PCDHA4: variants seen among roughly 807,000 people sequenced by gnomAD.
The protein encoded by PCDHA4 is protocadherin alpha 4.
Under a neutral mutation model 61.4 loss-of-function variants are expected in PCDHA4, and 49 were observed. The ratio of observed to expected loss-of-function variants is 0.80; its 90% confidence interval spans 0.63 to 1.01. The LOEUF is 1.01. Ranked by LOEUF, PCDHA4 falls within the 50% of genes least tolerant of loss-of-function variation. The pLI, the probability that PCDHA4 is intolerant of heterozygous loss-of-function variation, is 0.00. For synonymous variants in PCDHA4, 590 were observed against 550.3 expected, an observed-to-expected ratio of 1.07 and a Z score of -1.01; for missense variants, 1,254 against 1,235.8, an observed-to-expected ratio of 1.01 and a Z score of -0.22.
chr5:140,940,756 T>A (rs782132428), intron 1 of PCDHA4, among the ~76,000 whole-genome samples: 23 of 152,246 alleles, frequency 1.5e-4, no homozygotes, highest in Non-Finnish European at 2.8e-4. Context: ...GTGTGCCAAC[T>A]TTTATTTGAC....
chr5:140,835,044 G>A lies in PCDHA4; in HGVS notation c.2385+25472G>A, dbSNP rs1554134705. ...CACGGCCACCGATGGAGGCAAACCC[G>A]AGCTGACTGGCACCGTTCAATTACT... On this transcript the variant is annotated intron_variant, in intron 1 of 3. Transcript: ENST00000530339. The A allele has an allele frequency of 1.7e-5, 21 of 1,263,874 alleles. 1 individual carries two copies. The highest frequency in any genetic ancestry group is 1.9e-5 in the Non-Finnish European group (18 of 927,706). 78.3% of individuals were successfully genotyped at this position (1,263,874 alleles called of 1,614,324 possible). A position where few individuals can be genotyped will look rare whatever the true frequency, so the allele number is the denominator to read the frequency against.
intron 1 of PCDHA4, chr5:140,857,704 G>A: frequency 6.3e-7 from 1 of 1,597,424 alleles, no homozygotes; most frequent in Non-Finnish European, 8.6e-7. Flanking sequence ...CGCTGCAGGT[G>A]TTCGTGCTGG....
At chr5:140,978,594 G>C (rs184264823) in intron 1 of PCDHA4, among the ~76,000 whole-genome samples, 31 of 152,288 alleles carry the variant, frequency 2.0e-4, no homozygotes, top group African/African-American at 7.5e-4. Flanking sequence ...CCCTTAATGG[G>C]GCACTTGAGG....
In PCDHA4 at chr5:140,920,607, A is replaced by G. The variant is rs185483487; in HGVS notation, c.2386-58342A>G. Among the ~76,000 whole-genome samples the G allele has an allele frequency of 8.0e-3, 1,215 of 152,266 alleles. 5 individuals are homozygous for G. Among genetic ancestry groups the G allele is most frequent in the African/African-American group, 0.019 (784 of 41,544 alleles). On this transcript the variant is annotated intron_variant, in intron 1 of 3. Coordinates refer to ENST00000530339, the MANE Select transcript of PCDHA4 (RefSeq NM_018907.4). ...ACGCCTGTAATCCCAGCACTTTGGG[A>G]GGCCGAGGCGGATGGATCACAAGGT...
chr5:140,950,100 A>G (rs964595718), intron 1 of PCDHA4, among the ~76,000 whole-genome samples: 1 of 151,910 alleles, frequency 6.6e-6, no homozygotes, highest in Non-Finnish European at 1.5e-5. Flanking sequence ...CATTTGTATT[A>G]AATCTCATAC....
rs2150125115 is a variant in PCDHA4 at position 140,823,375 on chromosome 5, G to A, written c.2385+13803G>A. 6 of 1,612,690 alleles carry A rather than the reference G, an allele frequency of 3.7e-6. No homozygotes were observed. The East Asian group carries it at 8.9e-5, about 24-fold the overall frequency. On this transcript the variant is annotated intron_variant, in intron 1 of 3. Coordinates refer to ENST00000530339, the MANE Select transcript of PCDHA4 (RefSeq NM_018907.4). The stretch of plus-strand genomic sequence containing the variant: ...GGAAGTGGAGCTGCTGCAGTTCCAG[G>A]TGAGCGCGCGCGACGCGGGCGTGCC...
At chr5:140,864,331 T>C (rs2048422342) in intron 1 of PCDHA4, 1 of 152,248 alleles carries the variant, frequency 6.6e-6, no homozygotes, top group Admixed American at 6.5e-5. Flanking sequence ...CATAATTATT[T>C]GAGTTTAAAA....
chr5:140,903,859 T>C (rs2070674942), intron 1 of PCDHA4, among the ~76,000 whole-genome samples: 1 of 152,186 alleles, frequency 6.6e-6, no homozygotes, highest in Non-Finnish European at 1.5e-5. Context: ...ACAAATAATA[T>C]AGAGTAAAAT....
At chr5:140,945,664 C>T (rs1342424562) in intron 1 of PCDHA4, among the ~76,000 whole-genome samples, 1 of 152,048 alleles carries the variant, frequency 6.6e-6, no homozygotes, top group Admixed American at 6.5e-5. Context: ...ATACAGCTCC[C>T]AGAAATAAAT....
intron 1 of PCDHA4, among the ~76,000 whole-genome samples, chr5:140,970,706 A>G (rs1266484266): frequency 6.6e-6 from 1 of 152,224 alleles, no homozygotes; most frequent in Non-Finnish European, 1.5e-5. Context: ...CTACTACACA[A>G]TGTGTGAACA....
intron 1 of PCDHA4, among the ~76,000 whole-genome samples, chr5:140,940,840 A>T (rs1554213622): frequency 2.0e-5 from 3 of 152,222 alleles, no homozygotes; most frequent in Non-Finnish European, 1.5e-5. Context: ...ACCTTTCTTC[A>T]CGATAGATTT....
chr5:140,822,224 G>C (rs2150114696), intron 1 of PCDHA4: 3 of 1,614,208 alleles, frequency 1.9e-6, no homozygotes, highest in East Asian at 4.5e-5. Context: ...CCAGATTCGC[G>C]GTTTCCGCTA....
intron 1 of PCDHA4, chr5:140,928,541 AC>A: frequency 3.7e-6 from 6 of 1,614,192 alleles, no homozygotes; most frequent in Non-Finnish European, 5.1e-6. Context: ...GATAGGAATG[AC>A]AATTATCCGG....
At chr5:140,841,592 G>C (rs2150318717) in intron 1 of PCDHA4, 1 of 1,614,096 alleles carries the variant, frequency 6.2e-7, no homozygotes, top group African/African-American at 1.3e-5. Context: ...TTCTCGGATC[G>C]ACCGCGAGGA....
chr5:140,823,933 C>T, intron 1 of PCDHA4: 2 of 1,613,958 alleles, frequency 1.2e-6, no homozygotes, highest in Admixed American at 1.7e-5. Context: ...GTACACCGCG[C>T]TGCGGTGCTC....
At chr5:140,992,708 C>T (rs2097525816) in intron 3 of PCDHA4, among the ~76,000 whole-genome samples, 1 of 152,100 alleles carries the variant, frequency 6.6e-6, no homozygotes, top group African/African-American at 2.4e-5. Context: ...ATGTTCCTGC[C>T]AGTATTCGTA....
chr5:140,879,227 T>C (rs1474080938), intron 1 of PCDHA4, among the ~76,000 whole-genome samples: 5 of 152,126 alleles, frequency 3.3e-5, no homozygotes, highest in Admixed American at 6.5e-5. Flanking sequence ...GAAAAAGACA[T>C]ATACAAGAGG....
intron 1 of PCDHA4, chr5:140,830,277 A>G (rs1770951301): frequency 6.2e-7 from 1 of 1,613,766 alleles, no homozygotes; most frequent in Non-Finnish European, 8.5e-7. Flanking sequence ...CCACCCACCG[A>G]GGGCGCGTGC....
At chr5:140,920,107 C>A (rs1480708499) in intron 1 of PCDHA4, among the ~76,000 whole-genome samples, 1 of 152,300 alleles carries the variant, frequency 6.6e-6, no homozygotes, top group Non-Finnish European at 1.5e-5. Flanking sequence ...GGGAGTGCAA[C>A]CTTGCCAACA....
Sources: gnomAD v4.1 joint callset for allele counts (sites outside exome capture counted in the v4.1 genomes callset) on GRCh38, gnomAD v4.1.1 for gene constraint, MANE v1.5 for transcripts, NCBI Gene and HGNC (gene_info 2026-07-23, HGNC 2026-07-21) for gene names.